PLCL1: variants seen among roughly 807,000 people sequenced by gnomAD.
PLCL1 encodes the protein inactive phospholipase C-like protein 1.
A neutral mutation model predicts 84.4 loss-of-function variants in PLCL1; 41 were observed. The observed-to-expected ratio is 0.49, with a 90% CI of 0.38 to 0.63. The LOEUF is 0.63. Ranked by LOEUF, PLCL1 falls within the 30% of genes least tolerant of loss-of-function variation. The pLI, the probability that PLCL1 is intolerant of heterozygous loss-of-function variation, is 0.00. For missense variants in PLCL1, 1,206 were observed against 1,367.8 expected (o/e 0.88, Z 1.87); for synonymous variants, 490 against 488.3 (o/e 1.00, Z -0.05).
chr2:197,872,831 AG>A (rs1298052068), intron 1 of PLCL1, among the ~76,000 whole-genome samples: 2 of 152,206 alleles, frequency 1.3e-5, no homozygotes, highest in African/African-American at 4.8e-5. Context: ...CAATAACTAC[AG>A]GATGACAGGC....
chr2:198,025,083 T>A (rs2196171), intron 1 of PLCL1, among the ~76,000 whole-genome samples: 13 of 151,898 alleles, frequency 8.6e-5, no homozygotes, highest in South Asian at 4.2e-4. Context: ...GATTTTTTCC[T>A]TTTTATTTAA....
chr2:197,876,035 AG>A (rs1454782354), intron 1 of PLCL1, among the ~76,000 whole-genome samples: 3 of 152,204 alleles, frequency 2.0e-5, no homozygotes, highest in Non-Finnish European at 2.9e-5. Flanking sequence ...GGACTCCCAG[AG>A]AAAAAAGATT....
At chr2:197,922,789 C>T (rs1688734475) in intron 1 of PLCL1, among the ~76,000 whole-genome samples, 4 of 127,362 alleles carry the variant, frequency 3.1e-5, no homozygotes, top group East Asian at 2.8e-4. Context: ...GACCCCCCCA[C>T]CTCCCTCCCG....
intron 1 of PLCL1, among the ~76,000 whole-genome samples, chr2:197,926,513 T>C (rs1455489700): frequency 6.6e-6 from 1 of 152,234 alleles, no homozygotes; most frequent in Non-Finnish European, 1.5e-5. Context: ...CAAATTATAA[T>C]TTACGTGATA....
At chr2:197,967,119 C>T (rs892013804) in intron 1 of PLCL1, among the ~76,000 whole-genome samples, 4 of 152,068 alleles carry the variant, frequency 2.6e-5, no homozygotes, top group Non-Finnish European at 5.9e-5. Context: ...TTGTGGATCC[C>T]CAGTGAGAAC....
Position 198,085,560 on chromosome 2 carries a change from C to A in PLCL1, c.2043C>A (p.His681Gln), listed in dbSNP as rs746881730. ...CTCCGGGTCCAATGATGGACCTTCA[C>A]ACGGGCTGGTTTCTTCAAAACGGGG... ...FQTPGPMMDL[H>Q]TGWFLQNGGC... Residue 681 changes from histidine to glutamine, a missense_variant, in exon 2 of 6, where the codon CAC becomes CAA. Transcript: ENST00000428675. The surrounding 1 kb of genome is among the most constrained non-coding windows in gnomAD (Gnocchi z 5.3). The A allele has an allele frequency of 6.2e-7, 1 of 1,614,046 alleles. No individual in the cohort carries two copies. Among genetic ancestry groups the A allele is most frequent in the East Asian group, 2.2e-5 (1 of 44,882 alleles).
intron 1 of PLCL1, among the ~76,000 whole-genome samples, chr2:197,913,441 G>A (rs538074410): frequency 2.6e-5 from 4 of 152,272 alleles, no homozygotes; most frequent in Admixed American, 6.5e-5. Context: ...GTTGCAAACT[G>A]ACCTAAGCCA....
chr2:197,871,839 G>A (rs539304578), intron 1 of PLCL1, among the ~76,000 whole-genome samples: 34 of 152,004 alleles, frequency 2.2e-4, no homozygotes, highest in African/African-American at 1.4e-4. Flanking sequence ...ATAAGAACAC[G>A]ACCAGCACTG....
In PLCL1 at chr2:197,967,182, G is replaced by T. The variant is rs564608308; in HGVS notation, c.241-116576G>T. Among the ~76,000 whole-genome samples the T allele has an allele frequency of 1.0e-3, 157 of 151,766 alleles. 2 individuals are homozygous for T. Among genetic ancestry groups the T allele is most frequent in the African/African-American group, 3.7e-3 (154 of 41,348 alleles). The stretch of plus-strand genomic sequence containing the variant: ...TGCTTTTCTACAGGAGAATCACCAC[G>T]TTACATTAGCAGTTTATTTATTTAT... On this transcript the variant is annotated intron_variant, in intron 1 of 5. Coordinates refer to ENST00000428675, the MANE Select transcript of PLCL1 (RefSeq NM_006226.4).
chr2:197,911,762 T>A (rs1362169634), intron 1 of PLCL1, among the ~76,000 whole-genome samples: 1 of 152,212 alleles, frequency 6.6e-6, no homozygotes. Flanking sequence ...TCAAGAGTTT[T>A]CAGTAAAAAC....
intron 1 of PLCL1, among the ~76,000 whole-genome samples, chr2:197,896,688 A>G (rs1688141871): frequency 6.6e-6 from 1 of 152,070 alleles, no homozygotes; most frequent in Non-Finnish European, 1.5e-5. Flanking sequence ...TCTATAAGCC[A>G]CCAGTTTTGC....
At chr2:198,022,077 A>G (rs1247235227) in intron 1 of PLCL1, among the ~76,000 whole-genome samples, 1 of 152,222 alleles carries the variant, frequency 6.6e-6, no homozygotes, top group Non-Finnish European at 1.5e-5. Flanking sequence ...AGGCTGGGTC[A>G]ACATACACAA....
chr2:197,832,648 T>C (rs995662045), intron 1 of PLCL1, among the ~76,000 whole-genome samples: 14 of 152,300 alleles, frequency 9.2e-5, no homozygotes, highest in African/African-American at 3.4e-4. Context: ...CCTAACTCAT[T>C]TTATGAGGCC....
chr2:197,869,012 C>T (rs1687597948), intron 1 of PLCL1, among the ~76,000 whole-genome samples: 1 of 152,118 alleles, frequency 6.6e-6, no homozygotes, highest in African/African-American at 2.4e-5. Flanking sequence ...TGTTAGAAAG[C>T]TTCAGACAGT....
intron 1 of PLCL1, among the ~76,000 whole-genome samples, chr2:197,948,228 C>A (rs867629689): frequency 3.3e-5 from 5 of 152,062 alleles, no homozygotes; most frequent in African/African-American, 7.2e-5. Flanking sequence ...CCAAGGTAAC[C>A]TTTTAACTGG....
At chr2:198,103,734 G>A in intron 4 of PLCL1, 93 bp from the exon 5 acceptor site, 3 of 607,770 alleles carry the variant, frequency 4.9e-6, no homozygotes, top group Non-Finnish European at 2.9e-6. Context: ...AGACAGGAAT[G>A]TGAAATTATA....
intron 1 of PLCL1, among the ~76,000 whole-genome samples, chr2:198,010,254 G>A (rs1403892821): frequency 6.6e-6 from 1 of 151,964 alleles, no homozygotes; most frequent in Non-Finnish European, 1.5e-5. Flanking sequence ...TGATCTTAGA[G>A]TAAAAGCTTT....
At chr2:198,087,477 A>T (rs1692913311) in intron 2 of PLCL1, among the ~76,000 whole-genome samples, 1 of 152,126 alleles carries the variant, frequency 6.6e-6, no homozygotes, top group Admixed American at 6.6e-5. Context: ...TTATTTCTTT[A>T]GCTGATGTGT....
At chr2:197,876,573 A>G (rs1391674420) in intron 1 of PLCL1, among the ~76,000 whole-genome samples, 2 of 152,076 alleles carry the variant, frequency 1.3e-5, no homozygotes, top group Non-Finnish European at 1.5e-5. Flanking sequence ...AGGACATCTT[A>G]TACTACCTTG....
Sources: allele counts gnomAD v4.1 joint callset (sites outside exome capture counted in the v4.1 genomes callset), GRCh38; gene constraint gnomAD v4.1.1; non-coding constraint Gnocchi (gnomAD v3.1); transcripts MANE v1.5; gene names NCBI Gene and HGNC (gene_info 2026-07-23, HGNC 2026-07-21).